C1S: variants seen among roughly 807,000 people sequenced by gnomAD.
C1S encodes the protein complement C1s.
A neutral mutation model predicts 54.0 loss-of-function variants in C1S; 31 were observed. That is an observed-to-expected ratio of 0.57 (90% CI 0.43 to 0.78). The LOEUF (loss-of-function observed/expected upper bound fraction) is 0.78, where lower values mean the gene tolerates loss of function less well. Among genes scored for constraint, C1S ranks in the 30% least tolerant of loss-of-function variants. The probability of loss-of-function intolerance (pLI) is 0.00; values close to 1 mark genes in which losing one functional copy is unlikely to be tolerated. For missense variants in C1S, 727 were observed against 851.8 expected (o/e 0.85, Z 1.82); for synonymous variants, 292 against 303.6 (o/e 0.96, Z 0.40).
chr12:7,068,288 G>A (rs1473300171), intron 10 of C1S, among the ~76,000 whole-genome samples, 168 bp from the exon 11 acceptor site: 1 of 152,162 alleles, frequency 6.6e-6, no homozygotes, highest in Non-Finnish European at 1.5e-5. Context: ...CTGAGGGATT[G>A]TTTGGAGGAA....
At chr12:7,066,832 A>G in intron 8 of C1S, 199 bp downstream of exon 8, 2 of 704,316 alleles carry the variant, frequency 2.8e-6, no homozygotes, top group Non-Finnish European at 5.2e-6. Flanking sequence ...CTCTGCCTTC[A>G]GTCTTCTTGA....
Position 7,070,424 on chromosome 12 carries a change from C to T in C1S, c.1840C>T (p.Pro614Ser). The T allele has an allele frequency of 6.2e-7, 1 of 1,614,200 alleles. No homozygotes were observed. Among genetic ancestry groups the T allele is most frequent in the Non-Finnish European group, 8.5e-7 (1 of 1,180,026 alleles). ...TADAEAYVFT[P>S]NMICAGGEKG... ...AGATGCAGAGGCCTATGTTTTCACT[C>T]CTAACATGATCTGTGCTGGAGGAGA... Residue 614 changes from proline to serine, a missense_variant, in exon 12 of 12, where the codon CCT becomes TCT. Pro to Ser is a moderately conservative substitution (Grantham distance 74). Coordinates refer to ENST00000360817, the MANE Select transcript of C1S (RefSeq NM_001734.5). The surrounding 1 kb of genome is among the most constrained non-coding windows in gnomAD (Gnocchi z 4.9).
chr12:7,070,298 C>T lies in C1S; in HGVS notation c.1714C>T (p.Arg572Ter), dbSNP rs1555163022. The change falls in exon 12 of 12, where the codon CGA (arginine) becomes TGA (stop). Residue 572 changes from arginine (R) to a stop codon, truncating the protein, a stop_gained. Transcript: ENST00000360817. LOFTEE classifies it low-confidence loss of function (END_TRUNC). This position sits in a 1 kb window ranked among gnomAD's most constrained non-coding sequence, Gnocchi z 4.9. ...CCTGGGACTGATCTCAGGCTGGGGC[C>T]GAACAGAGAAGAGAGATCGTGCTGT... is the stretch of plus-strand genomic sequence containing the variant. ...GDLGLISGWG[R>*]TEKRDRAVRL... The T allele has an allele frequency of 1.2e-6, 2 of 1,614,058 alleles. No homozygotes were observed. The highest frequency in any genetic ancestry group is 1.1e-5 in the South Asian group (1 of 91,084).
intron 9 of C1S, chr12:7,067,347 G>A: frequency 1.6e-6 from 1 of 628,488 alleles, no homozygotes; most frequent in Non-Finnish European, 2.8e-6. Context: ...GATAGGTCGA[G>A]TTAGTAGCCC....
chr12:7,066,342 C>A (rs115363496), intron 7 of C1S, 176 bp from the exon 8 acceptor site: 5 of 678,286 alleles, frequency 7.4e-6, no homozygotes, highest in South Asian at 1.6e-5. Flanking sequence ...AGACAGCTTG[C>A]GGGTGGTTAG....
chr12:7,064,962 C>T (rs1016156477), intron 5 of C1S, 138 bp from the exon 6 acceptor site: 6 of 717,070 alleles, frequency 8.4e-6, no homozygotes, highest in African/African-American at 3.5e-5. Flanking sequence ...ATTGCTCTAT[C>T]CCTCCAGTTA....
At chr12:7,068,673 C>G (rs894385850) in intron 11 of C1S, 143 bp downstream of exon 11, 1 of 672,248 alleles carries the variant, frequency 1.5e-6, no homozygotes, top group Non-Finnish European at 2.7e-6. Context: ...TATCACTGTG[C>G]CGTGGGCTGC....
chr12:7,066,367 T>C, intron 7 of C1S, 151 bp from the exon 8 acceptor site: 1 of 700,882 alleles, frequency 1.4e-6, no homozygotes. Context: ...TAATGCCATA[T>C]GATTTTAGAC....
In C1S at chr12:7,069,728, AG is replaced by A. The variant is rs1937788977; in HGVS notation, c.1271-124del. The stretch of plus-strand genomic sequence containing the variant: ...CAGGTATTGAGATTGTTGACCAAAT[AG>A]GGTTGACTATTTTGTACTAGAGAAT... On this transcript the variant is annotated intron_variant, in intron 11 of 11. Transcript: ENST00000360817. The A allele has an allele frequency of 9.3e-6, 8 of 856,766 alleles. No homozygotes were observed. The South Asian group carries it at 9.4e-5, about 10-fold the overall frequency. The allele number at this position is 856,766 out of a possible 1,614,324, so 53.1% of individuals were successfully genotyped here. A position where few individuals can be genotyped will look rare whatever the true frequency, so the allele number is the denominator to read the frequency against.
At chr12:7,066,933 T>C (rs1555162353) in intron 8 of C1S, 106 bp from the exon 9 acceptor site, 4 of 828,448 alleles carry the variant, frequency 4.8e-6, no homozygotes, top group Non-Finnish European at 8.5e-6. Context: ...AAGCTTCTTG[T>C]GGTGAGGACT....
chr12:7,070,061 C>T lies in C1S; in HGVS notation c.1477C>T (p.Gln493Ter), dbSNP rs2135729830. ...AATGTATGTTGGGTCCACCTCAGTG[C>T]AGACCTCACGGCTGGCAAAATCCAA... is the stretch of plus-strand genomic sequence containing the variant. ...PTMYVGSTSV[Q>*]TSRLAKSKML... The change falls in exon 12 of 12, where the codon CAG becomes TAG. Residue 493 changes from glutamine (Q) to a stop codon, truncating the protein, a stop_gained. Coordinates refer to ENST00000360817, the MANE Select transcript of C1S (RefSeq NM_001734.5). LOFTEE classifies it low-confidence loss of function (END_TRUNC). The surrounding 1 kb of genome is among the most constrained non-coding windows in gnomAD (Gnocchi z 4.9). 6.2e-7 allele frequency: 1 copy of T among 1,614,032 alleles called. No individual in the cohort carries two copies. The highest frequency in any genetic ancestry group is 8.5e-7 in the Non-Finnish European group (1 of 1,179,940).
At chr12:7,066,665 C>A in intron 8 of C1S, 32 bp downstream of exon 8, 1 of 1,290,102 alleles carries the variant, frequency 7.8e-7, no homozygotes, top group Non-Finnish European at 1.1e-6. Flanking sequence ...TCCCCAGTCC[C>A]TGGCCCCAGA....
intron 9 of C1S, chr12:7,067,322 AG>A: frequency 1.6e-6 from 1 of 642,430 alleles, no homozygotes; most frequent in Non-Finnish European, 2.8e-6. Context: ...TTTCTTTCCA[AG>A]AAAGGGGCTA....
intron 2 of C1S, 90 bp downstream of exon 2, chr12:7,062,007 C>T (rs1183631703): frequency 6.3e-6 from 8 of 1,273,824 alleles, no homozygotes; most frequent in Non-Finnish European, 9.1e-6. Flanking sequence ...TGATGGCTCA[C>T]ACCTGTAACC....
chr12:7,065,962 A>G lies in C1S; in HGVS notation c.863A>G (p.His288Arg). Reference protein sequence around the residue: ...GQKKGWKLRYHGDPMPCPKED... With the variant: ...GQKKGWKLRYRGDPMPCPKED... ...AAAAAGGGCTGGAAACTTCGCTATC[A>G]TGGAGATCGTGAGTAACTTAGAAGT... Residue 288 changes from histidine (H) to arginine (R), a missense_variant, in exon 7 of 12, where the codon CAT becomes CGT. Physicochemically the swap from His to Arg is conservative, Grantham distance 29. This residue lies in a region of C1S where 357 missense variants were observed against 365.4 expected (regional missense o/e 0.98). Transcript: ENST00000360817. The G allele has an allele frequency of 6.2e-7, 1 of 1,613,980 alleles. No homozygotes were observed. The highest frequency in any genetic ancestry group is 8.5e-7 in the Non-Finnish European group (1 of 1,179,858).
intron 1 of C1S, 119 bp from the exon 2 acceptor site, chr12:7,061,720 G>A (rs1555161286): frequency 2.9e-6 from 2 of 692,106 alleles, no homozygotes; most frequent in African/African-American, 3.5e-5. Flanking sequence ...GGGGATGTTG[G>A]TGATATGGCC....
chr12:7,067,902 G>A, intron 10 of C1S, 131 bp downstream of exon 10: 1 of 1,003,690 alleles, frequency 1.0e-6, no homozygotes, highest in South Asian at 1.3e-5. Context: ...CATCCCCTTG[G>A]CTTCGTCCAA....
At chr12:7,065,549 T>G in intron 6 of C1S, 1 of 610,878 alleles carries the variant, frequency 1.6e-6, no homozygotes, top group Admixed American at 2.9e-5. Context: ...CTTTTTTTTT[T>G]TACAGAGATG....
At chr12:7,063,939 G>A (rs1947133723) in intron 4 of C1S, 1 of 464,336 alleles carries the variant, frequency 2.2e-6, no homozygotes, top group Non-Finnish European at 4.3e-6. Context: ...AGAGGCGTGA[G>A]ACTTGTTTGA....
Sources: allele counts gnomAD v4.1 joint callset (sites outside exome capture counted in the v4.1 genomes callset), GRCh38; gene constraint gnomAD v4.1.1; regional missense constraint gnomAD v4.1.1; non-coding constraint Gnocchi (gnomAD v3.1); transcripts MANE v1.5; gene names NCBI Gene and HGNC (gene_info 2026-07-23, HGNC 2026-07-21).